Variants in ANAPC10 observed in about 807,000 individuals in gnomAD.
The protein encoded by ANAPC10 is anaphase promoting complex subunit 10, also known as anaphase-promoting complex subunit 10.
Under a neutral mutation model 22.0 loss-of-function variants are expected in ANAPC10, and 12 were observed. The observed-to-expected ratio is 0.55, with a 90% confidence interval of 0.35 to 0.88. The LOEUF (loss-of-function observed/expected upper bound fraction) is 0.88. Among genes scored for constraint, ANAPC10 ranks in the 40% least tolerant of loss-of-function variants. The pLI, the probability that ANAPC10 is intolerant of heterozygous loss-of-function variation, is 0.01. For missense variants in ANAPC10, 188 were observed against 220.9 expected (o/e 0.85, Z 0.94); for synonymous variants, 65 against 69.5 (o/e 0.94, Z 0.32).
chr4:145,046,088 T>G (rs1740258450), intron 4 of ANAPC10, among the ~76,000 whole-genome samples: 1 of 152,084 alleles, frequency 6.6e-6, no homozygotes, highest in Non-Finnish European at 1.5e-5. Flanking sequence ...AAAAATCCAT[T>G]ACTACTCTCA....
At chr4:144,998,982 A>G (rs903776247) in intron 4 of ANAPC10, among the ~76,000 whole-genome samples, 3 of 152,210 alleles carry the variant, frequency 2.0e-5, no homozygotes, top group African/African-American at 7.2e-5. Context: ...AGAATACTAT[A>G]AACACCTCTA....
intron 4 of ANAPC10, among the ~76,000 whole-genome samples, chr4:145,055,854 T>C (rs1442581396): frequency 6.6e-6 from 1 of 152,332 alleles, no homozygotes; most frequent in Admixed American, 6.5e-5. Context: ...GTGAATACCA[T>C]ATATGTAGCA....
intron 4 of ANAPC10, among the ~76,000 whole-genome samples, chr4:145,027,848 T>G (rs751232197): frequency 2.6e-5 from 4 of 152,100 alleles, no homozygotes; most frequent in Admixed American, 6.6e-5. Context: ...GAGGATGTAG[T>G]CCACCAATAA....
chr4:145,000,949 A>G (rs1309851978), intron 4 of ANAPC10, among the ~76,000 whole-genome samples: 2 of 152,158 alleles, frequency 1.3e-5, no homozygotes, highest in Non-Finnish European at 2.9e-5. Context: ...CAAGGACAGA[A>G]AACCAAACAC....
chr4:144,997,795 A>G (rs773522816), intron 4 of ANAPC10, among the ~76,000 whole-genome samples: 2 of 152,228 alleles, frequency 1.3e-5, no homozygotes, highest in East Asian at 1.9e-4. Flanking sequence ...CAAATTAGAT[A>G]AAGAGTCAAG....
At chr4:145,022,702 T>C (rs1290448767) in intron 4 of ANAPC10, among the ~76,000 whole-genome samples, 1 of 151,698 alleles carries the variant, frequency 6.6e-6, no homozygotes, top group Non-Finnish European at 1.5e-5. Context: ...TATAGAACTT[T>C]CTGTGAGCAT....
intron 4 of ANAPC10, among the ~76,000 whole-genome samples, chr4:145,013,893 G>A (rs1473517427): frequency 6.6e-6 from 1 of 152,116 alleles, no homozygotes; most frequent in African/African-American, 2.4e-5. Flanking sequence ...GGAGCAGAGT[G>A]AAATACAGGG....
At chr4:145,095,111 A>T (rs1040923901) in intron 2 of ANAPC10, among the ~76,000 whole-genome samples, 2 of 151,800 alleles carry the variant, frequency 1.3e-5, no homozygotes, top group African/African-American at 4.8e-5. Flanking sequence ...GATATATGAT[A>T]AAAAAAAATT....
intron 4 of ANAPC10, among the ~76,000 whole-genome samples, chr4:145,040,651 T>C (rs777408424): frequency 6.6e-6 from 1 of 152,194 alleles, no homozygotes; most frequent in Non-Finnish European, 1.5e-5. Context: ...AAGGGTCACC[T>C]AGCTAGTGAC....
chr4:145,041,438 G>A (rs1008717984), intron 4 of ANAPC10, among the ~76,000 whole-genome samples: 1 of 152,192 alleles, frequency 6.6e-6, no homozygotes, highest in Non-Finnish European at 1.5e-5. Flanking sequence ...AGCAAAGACC[G>A]TTTTTGTTCT....
In ANAPC10 at chr4:145,010,324, T is replaced by C. The variant is rs1050020802; in HGVS notation, c.328-14721A>G. 5.3e-5 allele frequency among the ~76,000 whole-genome samples: 8 copies of C among 152,264 alleles called. 1 individual carries two copies. The highest frequency in any genetic ancestry group is 1.9e-4 in the African/African-American group (8 of 41,524). On this transcript the variant is annotated intron_variant, in intron 4 of 4. Coordinates refer to ENST00000507656, the MANE Select transcript of ANAPC10 (RefSeq NM_001256706.2). ...TTGACCCAGCCATCCCATTACTGGG[T>C]ATATACCCAAAGGATTATAAATCAA...
chr4:145,031,207 T>G (rs1737523463), intron 4 of ANAPC10, among the ~76,000 whole-genome samples: 1 of 152,216 alleles, frequency 6.6e-6, no homozygotes, highest in Non-Finnish European at 1.5e-5. Flanking sequence ...CCTTGATCAC[T>G]TTTCCCTTCC....
chr4:145,054,519 T>C (rs1741643543), intron 4 of ANAPC10, among the ~76,000 whole-genome samples: 1 of 146,232 alleles, frequency 6.8e-6, no homozygotes. Context: ...ATCGCGCCAC[T>C]GCACTCCAGC....
intron 4 of ANAPC10, among the ~76,000 whole-genome samples, chr4:145,001,107 A>C (rs1732476878): frequency 6.6e-6 from 1 of 151,892 alleles, no homozygotes; most frequent in African/African-American, 2.4e-5. Flanking sequence ...TGGGTGCAGC[A>C]AACCAACATG....
At chr4:145,029,806 A>G (rs1278697880) in intron 4 of ANAPC10, among the ~76,000 whole-genome samples, 1 of 152,018 alleles carries the variant, frequency 6.6e-6, no homozygotes, top group African/African-American at 2.4e-5. Context: ...CTTTAGACCT[A>G]CTCATCCCAG....
chr4:145,028,404 T>C (rs186575937), intron 4 of ANAPC10, among the ~76,000 whole-genome samples: 132 of 152,310 alleles, frequency 8.7e-4, no homozygotes, highest in Admixed American at 3.5e-3. Flanking sequence ...TTCTCCTTGC[T>C]CTTCAGCTTG....
chr4:145,083,913 AT>A (rs1746469871), intron 2 of ANAPC10, among the ~76,000 whole-genome samples: 1 of 151,972 alleles, frequency 6.6e-6, no homozygotes, highest in Non-Finnish European at 1.5e-5. Context: ...ATATCCTCCT[AT>A]ATTTTCAATA....
intron 3 of ANAPC10, among the ~76,000 whole-genome samples, chr4:145,076,472 A>G (rs1745214329): frequency 1.3e-5 from 2 of 152,224 alleles, no homozygotes; most frequent in Admixed American, 1.3e-4. Flanking sequence ...TCAAAGATTA[A>G]AGGAACATTT....
chr4:145,051,042 T>A (rs919191755), intron 4 of ANAPC10, among the ~76,000 whole-genome samples: 1 of 152,242 alleles, frequency 6.6e-6, no homozygotes, highest in Non-Finnish European at 1.5e-5. Flanking sequence ...GCTTTCAACA[T>A]GCCTTCTTCA....
Sources: allele counts gnomAD v4.1 joint callset (sites outside exome capture counted in the v4.1 genomes callset), GRCh38; gene constraint gnomAD v4.1.1; transcripts MANE v1.5; gene names NCBI Gene and HGNC (gene_info 2026-07-23, HGNC 2026-07-21).